Variants in TRABD observed in about 807,000 individuals in gnomAD.
TRABD encodes TraB domain containing, also known as traB domain-containing protein.
Under a neutral mutation model 39.6 loss-of-function variants are expected in TRABD, and 23 were observed. The observed-to-expected ratio is 0.58, with a 90% CI of 0.42 to 0.82. TRABD has a LOEUF of 0.82. Among genes scored for constraint, TRABD ranks in the 40% least tolerant of loss-of-function variants. The pLI is 0.00. For synonymous variants in TRABD, 243 were observed against 232.1 expected (o/e 1.05, Z -0.43); for missense variants, 487 against 544.9 (o/e 0.89, Z 1.06).
chr22:50,189,353 G>A (rs755586592), intron 1 of TRABD, among the ~76,000 whole-genome samples: 10 of 152,194 alleles, frequency 6.6e-5, no homozygotes, highest in Non-Finnish European at 1.0e-4. Flanking sequence ...CCTGTCTGCC[G>A]GCTACCCATG....
At chr22:50,188,679 G>A (rs2147086651) in intron 1 of TRABD, among the ~76,000 whole-genome samples, 1 of 152,328 alleles carries the variant, frequency 6.6e-6, no homozygotes, top group East Asian at 1.9e-4. Flanking sequence ...CTTCATAGTG[G>A]GAGTTAGGGC....
chr22:50,196,652 A>G (rs2064119076), intron 5 of TRABD, among the ~76,000 whole-genome samples: 1 of 151,628 alleles, frequency 6.6e-6, no homozygotes, highest in African/African-American at 2.4e-5. Context: ...CGTCTGTGCC[A>G]GCTCAAGGCG....
chr22:50,186,639 TG>T (rs2063766533), intron 1 of TRABD, among the ~76,000 whole-genome samples: 1 of 152,002 alleles, frequency 6.6e-6, no homozygotes, highest in South Asian at 2.1e-4. Context: ...CTGGGGGTGC[TG>T]GGGGAGGCCG....
At chr22:50,186,503 G>T (rs1334328457) in intron 1 of TRABD, among the ~76,000 whole-genome samples, 1 of 152,150 alleles carries the variant, frequency 6.6e-6, no homozygotes. Context: ...TCGCGGGAAG[G>T]CGCGGGTCGG....
chr22:50,196,739 C>T (rs190094641), intron 5 of TRABD, among the ~76,000 whole-genome samples: 1 of 152,072 alleles, frequency 6.6e-6, no homozygotes, highest in African/African-American at 2.4e-5. Flanking sequence ...AGCAGTCTCA[C>T]TCTGTCACCC....
At chr22:50,196,499 G>C (rs573463114) in intron 5 of TRABD, among the ~76,000 whole-genome samples, 1 of 152,176 alleles carries the variant, frequency 6.6e-6, no homozygotes, top group Non-Finnish European at 1.5e-5. Flanking sequence ...CCAGCCGGCC[G>C]GTGAGACAGG....
chr22:50,198,382 T>C lies in TRABD; in HGVS notation c.994T>C (p.Leu332=). Residue 332 remains leucine (L), a synonymous_variant, in exon 10 of 10, where the codon TTG becomes CTG. Transcript: ENST00000380909. The surrounding 1 kb of genome is among the most constrained non-coding windows in gnomAD (Gnocchi z 7.9). Reference sequence around the variant, plus strand: ...GTCCGTCTCCGGCAGAGTGTCTCGGTTGGCCGTGAAGGCCGCCTTCTTCGG... The same window carrying C: ...GTCCGTCTCCGGCAGAGTGTCTCGGCTGGCCGTGAAGGCCGCCTTCTTCGG... The part of the protein sequence containing the change: ...PPSVSGRVSR[L]AVKAAFFGLL... 6.3e-7 allele frequency: 1 copy of C among 1,590,764 alleles called. No individual in the cohort carries two copies. Among genetic ancestry groups the C allele is most frequent in the Admixed American group, 1.7e-5 (1 of 57,416 alleles).
intron 1 of TRABD, among the ~76,000 whole-genome samples, chr22:50,186,876 G>A (rs942809623): frequency 1.3e-5 from 2 of 152,276 alleles, no homozygotes; most frequent in African/African-American, 2.4e-5. Context: ...TTACAAGAAA[G>A]ATGGAGTGGG....
At chr22:50,196,416 G>A (rs914348955) in intron 5 of TRABD, among the ~76,000 whole-genome samples, 3 of 152,206 alleles carry the variant, frequency 2.0e-5, no homozygotes, top group African/African-American at 7.2e-5. Context: ...ATTGCCCGGC[G>A]CTGTGTGGCC....
chr22:50,195,546 T>C (rs1021175607), intron 5 of TRABD, among the ~76,000 whole-genome samples: 1 of 151,962 alleles, frequency 6.6e-6, no homozygotes, highest in African/African-American at 2.4e-5. Flanking sequence ...CACTGCAACC[T>C]TCGCCTCCTG....
rs2064185789 is a variant in TRABD at position 50,198,057 on chromosome 22, C to T, written c.845-18C>T. ...GCTGAGGCCCGAGCAGGTACTGACC[C>T]CTTGTCCTTCCCCACAGCCGAGCCC... On this transcript the variant is annotated intron_variant, in intron 8 of 9. Transcript: ENST00000380909. This position sits in a 1 kb window ranked among gnomAD's most constrained non-coding sequence, Gnocchi z 7.9. The T allele has an allele frequency of 6.2e-7, 1 of 1,612,356 alleles. No individual in the cohort carries two copies. The highest frequency in any genetic ancestry group is 8.5e-7 in the Non-Finnish European group (1 of 1,179,534).
Position 50,198,369 on chromosome 22 carries a change from CAG to C in TRABD, c.984_985del (p.Arg328SerfsTer75). 3 of 1,586,134 alleles carry C rather than the reference CAG, an allele frequency of 1.9e-6. No individual in the cohort carries two copies. Among genetic ancestry groups the C allele is most frequent in the Non-Finnish European group, 2.6e-6 (3 of 1,171,210 alleles). ...GCGTGCCCCCGCCGTCCGTCTCCGGCAGAGTGTCTCGGTTGGCCGTGAAGGCC... is the reference window on the plus strand; with the variant it reads ...GCGTGCCCCCGCCGTCCGTCTCCGGCAGTGTCTCGGTTGGCCGTGAAGGCC... ...MTVPPPSVSGRVSRLAVKAAF... is the reference protein window; with the variant it reads ...MTVPPPSVSGXVSRLAVKAAF... On this transcript the variant is annotated frameshift_variant, in exon 10 of 10. Coordinates refer to ENST00000380909, the MANE Select transcript of TRABD (RefSeq NM_001320485.2). LOFTEE classifies it high-confidence loss of function. The surrounding 1 kb of genome is among the most constrained non-coding windows in gnomAD (Gnocchi z 7.9).
In TRABD at chr22:50,198,100, C is replaced by T. The variant is rs562603797; in HGVS notation, c.870C>T (p.Ser290=). ...CCGAGCCCAGGAAGTGCGTCCCCTC[C>T]GTGGTCGTGGGCGTCGTGGGCATGG... ...SDAEPRKCVP[S]VVVGVVGMGH... is the part of the protein sequence containing the mutation. Residue 290 remains serine, a synonymous_variant, in exon 9 of 10, where the codon TCC becomes TCT. Transcript: ENST00000380909. This position sits in a 1 kb window ranked among gnomAD's most constrained non-coding sequence, Gnocchi z 7.9. 1.9e-4 allele frequency: 304 copies of T among 1,612,764 alleles called. 6 individuals carry two copies. The South Asian group carries it at 3.0e-3, about 16-fold the overall frequency.
chr22:50,191,299 CCT>C (rs927384853), intron 1 of TRABD, among the ~76,000 whole-genome samples: 4 of 152,164 alleles, frequency 2.6e-5, no homozygotes, highest in African/African-American at 9.7e-5. Context: ...TCCCCCAGCC[CCT>C]GAGCTGCCCT....
rs762870763 is a variant in TRABD, at chr22:50,194,923, C to G, written c.303C>G (p.Asp101Glu). 3.1e-6 allele frequency: 5 copies of G among 1,612,842 alleles called. No homozygotes were observed. Among genetic ancestry groups the G allele is most frequent in the Non-Finnish European group, 4.2e-6 (5 of 1,179,902 alleles). ...AGACCATCCGGGAGGTGCAGCCTGA[C>G]GTGGTGGTCGTGGAGCTCTGCCAAT... ...VVKTIREVQP[D>E]VVVVELCQYR... The change falls in exon 5 of 10, where the codon GAC becomes GAG. Residue 101 changes from aspartate (D) to glutamate (E), a missense_variant. Asp to Glu is a conservative substitution (Grantham distance 45). This residue lies in a region of TRABD where 358 missense variants were observed against 414.7 expected (regional missense o/e 0.86). Transcript: ENST00000380909.
At chr22:50,197,769 ACC>A in intron 7 of TRABD, 52 bp from the exon 8 acceptor site, 1 of 706,070 alleles carries the variant, frequency 1.4e-6, no homozygotes, top group South Asian at 2.1e-5. Flanking sequence ...TGCCAGCCCC[ACC>A]CCCCCAGCCC....
intron 1 of TRABD, among the ~76,000 whole-genome samples, chr22:50,188,599 G>A (rs1338127681): frequency 2.0e-5 from 3 of 152,198 alleles, no homozygotes; most frequent in East Asian, 3.9e-4. Context: ...TACTAACCCC[G>A]TCATGGGGGC....
intron 5 of TRABD, among the ~76,000 whole-genome samples, chr22:50,196,430 G>A (rs945788876): frequency 1.1e-4 from 16 of 152,204 alleles, no homozygotes; most frequent in Non-Finnish European, 1.8e-4. Context: ...TGTGGCCCCC[G>A]GGGCTTTGCT....
rs2064140424 is a variant in TRABD at position 50,197,144 on chromosome 22, C to G, written c.421-97C>G. On this transcript the variant is annotated intron_variant, in intron 5 of 9. Transcript: ENST00000380909. ...GACACAGCACTGGGCTGGGGCAGGG[C>G]TCTGCGCTGGTGCTGCCTGCCATCC... is the stretch of plus-strand genomic sequence containing the variant. 3 of 1,254,724 alleles carry G rather than the reference C, an allele frequency of 2.4e-6. No individual in the cohort carries two copies. In the South Asian group the frequency reaches 4.0e-5, roughly 17 times the overall value. 77.7% of individuals were successfully genotyped at this position (1,254,724 alleles called of 1,614,324 possible). A position where few individuals can be genotyped will look rare whatever the true frequency, so the allele number is the denominator to read the frequency against.
Sources: gnomAD v4.1 joint callset for allele counts (sites outside exome capture counted in the v4.1 genomes callset) on GRCh38, gnomAD v4.1.1 for gene constraint, gnomAD v4.1.1 regional missense constraint, Gnocchi (gnomAD v3.1) non-coding constraint, MANE v1.5 for transcripts, NCBI Gene and HGNC (gene_info 2026-07-23, HGNC 2026-07-21) for gene names.